The following NPLOC4 variants were observed in gnomAD, a reference collection of about 807,000 sequenced individuals.
The protein encoded by NPLOC4 is nuclear protein localization protein 4 homolog.
NPLOC4 carries 18 observed loss-of-function variants against 80.6 expected under a neutral mutation model. The ratio of observed to expected loss-of-function variants is 0.22; its 90% CI spans 0.15 to 0.33. The LOEUF (loss-of-function observed/expected upper bound fraction) is 0.33, where lower values mean the gene tolerates loss of function less well. NPLOC4 is among the 10% of genes least tolerant of loss of function. The pLI is 1.00. For missense variants in NPLOC4, 540 were observed against 786.1 expected, an observed-to-expected ratio of 0.69 and a Z score of 3.74; for synonymous variants, 313 against 301.5, an observed-to-expected ratio of 1.04 and a Z score of -0.39.
chr17:81,591,120 C>T (rs2034726282), intron 11 of NPLOC4, among the ~76,000 whole-genome samples: 1 of 152,126 alleles, frequency 6.6e-6, no homozygotes, highest in African/African-American at 2.4e-5. Context: ...ACGGTGCAGA[C>T]ATCTGGTTAG....
chr17:81,606,960 G>A (rs1015753846), intron 6 of NPLOC4, 146 bp from the exon 7 acceptor site: 4 of 687,468 alleles, frequency 5.8e-6, no homozygotes, highest in Admixed American at 2.3e-5. Context: ...GGCTAAGGAT[G>A]ATTCTAATGG....
chr17:81,626,945 C>G (rs2035810009), intron 2 of NPLOC4, among the ~76,000 whole-genome samples: 1 of 151,250 alleles, frequency 6.6e-6, no homozygotes, highest in Non-Finnish European at 1.5e-5. Flanking sequence ...CAAAAATCAG[C>G]TGGGCATGGT....
chr17:81,582,353 A>G (rs1420272955), intron 12 of NPLOC4, among the ~76,000 whole-genome samples: 1 of 152,198 alleles, frequency 6.6e-6, no homozygotes, highest in Non-Finnish European at 1.5e-5. Context: ...TTTCACCTTC[A>G]GTGGGAAGCA....
At chr17:81,589,576 A>G (rs2034681185) in intron 11 of NPLOC4, among the ~76,000 whole-genome samples, 1 of 150,266 alleles carries the variant, frequency 6.7e-6, no homozygotes, top group African/African-American at 2.4e-5. Context: ...GGGTGGCCAC[A>G]GCACAAGACC....
chr17:81,607,372 G>C (rs1471585247), intron 6 of NPLOC4, among the ~76,000 whole-genome samples: 1 of 144,806 alleles, frequency 6.9e-6, no homozygotes, highest in Non-Finnish European at 1.5e-5. Flanking sequence ...TTTTTCTCCA[G>C]CTTTATTGAA....
chr17:81,559,503 C>T, intron 16 of NPLOC4, 87 bp from the exon 17 acceptor site: 1 of 1,424,768 alleles, frequency 7.0e-7, no homozygotes, highest in South Asian at 1.4e-5. Context: ...GGGCAGGCAG[C>T]TGAGAGCTCC....
intron 16 of NPLOC4, among the ~76,000 whole-genome samples, chr17:81,561,503 T>C (rs933890605): frequency 3.3e-5 from 5 of 152,238 alleles, no homozygotes; most frequent in African/African-American, 1.2e-4. Flanking sequence ...TGTTTTTCTG[T>C]GTTCTACCCC....
At position 81,565,552 on chromosome 17, in the gene NPLOC4, T is replaced by C. The variant is rs1248658287; in HGVS notation, c.1622A>G (p.Gln541Arg). 1 of 1,556,230 alleles carries C rather than the reference T, an allele frequency of 6.4e-7. No individual in the cohort carries two copies. Residue 541 changes from glutamine to arginine, a missense_variant, in exon 16 of 17, where the codon CAG (glutamine) becomes CGG (arginine). Physicochemically the swap from Gln to Arg is conservative, Grantham distance 43 (BLOSUM62 1). Around this residue, in one of 6 missense-constraint regions of NPLOC4, gnomAD observed 251 missense variants for 377.5 expected, o/e 0.66. Transcript: ENST00000331134. ...AVRTRNEELAQTWKRSEQWAT... is the reference protein window; with the variant it reads ...AVRTRNEELARTWKRSEQWAT... The stretch of plus-strand genomic sequence containing the variant: ...CCACTGCTCAGACCTCTTCCATGTC[T>C]GGGCGAGCTCCTCATTTCTGGTCCG...
Position 81,581,458 on chromosome 17 carries a change from C to T in NPLOC4, c.1281+7486G>A, listed in dbSNP as rs181973654. 2.9e-3 allele frequency among the ~76,000 whole-genome samples: 441 copies of T among 150,586 alleles called. 1 individual carries two copies. The highest frequency in any genetic ancestry group is 5.8e-3 in the Admixed American group (87 of 14,978). On this transcript the variant is annotated intron_variant, in intron 12 of 16. Transcript: ENST00000331134. ...CCAATTGTTACTTGTCCTCAAGAGG[C>T]TCCCTCAAACCCAATCAACCAATTC...
At chr17:81,581,950 A>C (rs2034451746) in intron 12 of NPLOC4, among the ~76,000 whole-genome samples, 4 of 152,178 alleles carry the variant, frequency 2.6e-5, no homozygotes, top group Non-Finnish European at 5.9e-5. Context: ...ACCATCTCAA[A>C]ATGTCTCTGG....
In NPLOC4 at chr17:81,622,195, G is replaced by A; in HGVS notation, c.180C>T (p.Ser60=). 1.2e-6 allele frequency: 2 copies of A among 1,613,308 alleles called. No individual in the cohort carries two copies. The highest frequency in any genetic ancestry group is 1.7e-6 in the Non-Finnish European group (2 of 1,179,316). Reference sequence around the variant, plus strand: ...TTTTTAGCAAGTTGAGGGATTTGTTGGAGGAGGCTGTTATCTCTCCGGTCT... The same window carrying A: ...TTTTTAGCAAGTTGAGGGATTTGTTAGAGGAGGCTGTTATCTCTCCGGTCT... ...RNKTGEITAS[S]NKSLNLLKIK... Residue 60 remains serine, a synonymous_variant, in exon 3 of 17, where the codon TCC becomes TCT. Transcript: ENST00000331134.
In NPLOC4 at chr17:81,567,525, A is replaced by G. The variant is rs762611877; in HGVS notation, c.1458T>C (p.His486=). 1.9e-6 allele frequency: 3 copies of G among 1,600,506 alleles called. No individual in the cohort carries two copies. The highest frequency in any genetic ancestry group is 1.7e-4 in the Middle Eastern group (1 of 6,052). The change falls in exon 15 of 17, where the codon CAT becomes CAC. Residue 486 remains histidine (H), a synonymous_variant. Coordinates refer to ENST00000331134, the MANE Select transcript of NPLOC4 (RefSeq NM_017921.4). This position sits in a 1 kb window ranked among gnomAD's most constrained non-coding sequence, Gnocchi z 4.5. ...TCTGAGACAAATAGGTGGCCAAGCTATGGAAGTCCTAGAGGAATGGGAATA... is the reference window on the plus strand; with the variant it reads ...TCTGAGACAAATAGGTGGCCAAGCTGTGGAAGTCCTAGAGGAATGGGAATA... ...RDVLGETQDF[H]SLATYLSQNT...
At chr17:81,602,254 A>C (rs2035076774) in intron 8 of NPLOC4, among the ~76,000 whole-genome samples, 1 of 151,952 alleles carries the variant, frequency 6.6e-6, no homozygotes, top group African/African-American at 2.4e-5. Flanking sequence ...AACAAACAAA[A>C]AACAAACTTT....
At chr17:81,559,689 G>C (rs187044467) in intron 16 of NPLOC4, among the ~76,000 whole-genome samples, 33 of 150,156 alleles carry the variant, frequency 2.2e-4, no homozygotes, top group Admixed American at 1.5e-3. Flanking sequence ...TGTGAATAAC[G>C]TAACTCCCCG....
At chr17:81,587,680 T>TG (rs1315027643) in intron 12 of NPLOC4, among the ~76,000 whole-genome samples, 4 of 144,590 alleles carry the variant, frequency 2.8e-5, no homozygotes, top group East Asian at 4.0e-4. Flanking sequence ...AGTTGTTTTT[T>TG]TTTTTTTTTT....
chr17:81,564,107 C>CACACACACACACACACAG, intron 16 of NPLOC4: 1 of 336,680 alleles, frequency 3.0e-6, no homozygotes, highest in Non-Finnish European at 5.9e-6. Flanking sequence ...CACACACACA[C>CACACACACACACACACAG]ACACACACAC....
intron 3 of NPLOC4, among the ~76,000 whole-genome samples, chr17:81,614,938 C>T (rs1418337327): frequency 6.6e-6 from 1 of 152,172 alleles, no homozygotes; most frequent in Non-Finnish European, 1.5e-5. Context: ...TCTAAACCAA[C>T]ACGGTGAAGG....
chr17:81,592,323 T>C (rs991794914), intron 11 of NPLOC4, among the ~76,000 whole-genome samples: 1 of 152,030 alleles, frequency 6.6e-6, no homozygotes, highest in African/African-American at 2.4e-5. Flanking sequence ...TTACTTGAGT[T>C]AGAAAACCTT....
chr17:81,633,347 A>C (rs1410007691), intron 1 of NPLOC4, among the ~76,000 whole-genome samples: 4 of 152,212 alleles, frequency 2.6e-5, no homozygotes, highest in Non-Finnish European at 4.4e-5. Context: ...GTTCCTTCAA[A>C]CGATGACTCT....
Sources: allele counts gnomAD v4.1 joint callset (sites outside exome capture counted in the v4.1 genomes callset), GRCh38; gene constraint gnomAD v4.1.1; regional missense constraint gnomAD v4.1.1; non-coding constraint Gnocchi (gnomAD v3.1); transcripts MANE v1.5; gene names NCBI Gene and HGNC (gene_info 2026-07-23, HGNC 2026-07-21).